The following DPH1 variants were observed in gnomAD, a reference collection of about 807,000 sequenced individuals.
DPH1 encodes 2-(3-amino-3-carboxypropyl)histidine synthase subunit 1.
Under a neutral mutation model 55.3 loss-of-function variants are expected in DPH1, and 59 were observed. That is an observed-to-expected ratio of 1.07 (90% CI 0.87 to 1.33). DPH1 has a LOEUF of 1.33. DPH1 is among the 40% of genes most tolerant of loss of function. The pLI is 0.00. For missense variants in DPH1, 628 were observed against 584.8 expected (o/e 1.07, Z -0.76); for synonymous variants, 238 against 235.5 (o/e 1.01, Z -0.10).
Position 2,039,803 on chromosome 17 carries a change from C to A in DPH1, c.729C>A (p.Asn243Lys). Residue 243 changes from asparagine to lysine, a missense_variant, in exon 7 of 13, where the codon AAC (asparagine) becomes AAA (lysine). Coordinates refer to ENST00000263083, the MANE Select transcript of DPH1 (RefSeq NM_001383.6). ...RFHLESVMIA[N>K]PNVPAYRYDP... ...ATCTGGAGTCTGTCATGATTGCCAA[C>A]CCCAATGTCCCCGCTTACCGGTATG... 1.2e-6 allele frequency: 2 copies of A among 1,614,176 alleles called. No homozygotes were observed. The highest frequency in any genetic ancestry group is 1.6e-4 in the Middle Eastern group (1 of 6,062).
chr17:2,042,758 A>T lies in DPH1; in HGVS notation c.*172A>T. The T allele has an allele frequency of 6.2e-7, 1 of 1,606,014 alleles. No homozygotes were observed. Among genetic ancestry groups the T allele is most frequent in the Non-Finnish European group, 8.5e-7 (1 of 1,176,512 alleles). ...GCACTGAACAGGCTGGGGCCTTTTG[A>T]CGGCCTTCTTGGTTTCAGCCAAGGG... On this transcript the variant is annotated 3_prime_UTR_variant, in exon 13 of 13. Transcript: ENST00000263083.
chr17:2,036,328 C>A lies in DPH1; in HGVS notation c.401-201C>A. ...GTTTGAAAGGCTGTTGGTTGTAGAG[C>A]AGGCTGGGCCCCGGCCGGGTGACAG... On this transcript the variant is annotated intron_variant, in intron 4 of 12. Coordinates refer to ENST00000263083, the MANE Select transcript of DPH1 (RefSeq NM_001383.6). This position sits in a 1 kb window ranked among gnomAD's most constrained non-coding sequence, Gnocchi z 4.8. The A allele has an allele frequency of 9.6e-7, 1 of 1,040,228 alleles. No homozygotes were observed. The highest frequency in any genetic ancestry group is 1.4e-6 in the Non-Finnish European group (1 of 736,658). The allele number at this position is 1,040,228 out of a possible 1,614,324, so 64.4% of individuals were successfully genotyped here.
intron 7 of DPH1, 100 bp from the exon 8 acceptor site, chr17:2,040,117 GC>G: frequency 6.7e-7 from 1 of 1,492,454 alleles, no homozygotes; most frequent in Non-Finnish European, 9.1e-7. Context: ...CCTGCGTGGG[GC>G]CTAAAGGTTC....
intron 6 of DPH1, among the ~76,000 whole-genome samples, chr17:2,038,095 T>C (rs1315144803): frequency 1.4e-5 from 2 of 145,724 alleles, no homozygotes; most frequent in Non-Finnish European, 3.0e-5. Flanking sequence ...GAATTGCATA[T>C]GTCCAGGAGT....
chr17:2,042,065 C>T (rs757918340), intron 12 of DPH1, 190 bp downstream of exon 12: 16 of 1,546,752 alleles, frequency 1.0e-5, no homozygotes, highest in East Asian at 2.4e-5. Flanking sequence ...CGCAGCGACC[C>T]CTGCGGGTCC....
In DPH1 at chr17:2,037,057, C is replaced by T; in HGVS notation, c.680+101C>T. 2 of 1,495,416 alleles carry T rather than the reference C, an allele frequency of 1.3e-6. 1 individual carries two copies. The highest frequency in any genetic ancestry group is 1.8e-6 in the Non-Finnish European group (2 of 1,118,212). The allele number at this position is 1,495,416 out of a possible 1,614,324, so 92.6% of individuals were successfully genotyped here. The stretch of plus-strand genomic sequence containing the variant: ...CAGGAAAGAAACCAAATCTAATGCT[C>T]CTTACCTGTGAGCCCGAGGTCACAC... On this transcript the variant is annotated intron_variant, in intron 6 of 12. Transcript: ENST00000263083.
rs1229855246 is a variant in DPH1, at chr17:2,036,454, C to G, written c.401-75C>G. The G allele has an allele frequency of 6.3e-7, 1 of 1,577,084 alleles. No homozygotes were observed. Among genetic ancestry groups the G allele is most frequent in the Non-Finnish European group, 8.7e-7 (1 of 1,155,942 alleles). On this transcript the variant is annotated intron_variant, in intron 4 of 12. Coordinates refer to ENST00000263083, the MANE Select transcript of DPH1 (RefSeq NM_001383.6). This position sits in a 1 kb window ranked among gnomAD's most constrained non-coding sequence, Gnocchi z 4.8. ...GCTGAAGCCACTGCGCCTGGCTGCTCAGAGACCTGAGCCTGGCCGGGCCCT... is the reference window on the plus strand; with the variant it reads ...GCTGAAGCCACTGCGCCTGGCTGCTGAGAGACCTGAGCCTGGCCGGGCCCT...
rs993626715 is a variant in DPH1, at chr17:2,041,808, G to T, written c.1268G>T (p.Cys423Phe). ...GSARPPSAVACEDCSCRDEKV... is the reference protein window; with the variant it reads ...GSARPPSAVAFEDCSCRDEKV... ...GCGCGTCCCCCTTCGGCCGTGGCTT[G>T]CGAGGACTGCAGCTGCAGGGACGAG... is the stretch of plus-strand genomic sequence containing the variant. The change falls in exon 12 of 13, where the codon TGC (cysteine) becomes TTC (phenylalanine). Residue 423 changes from cysteine to phenylalanine, a missense_variant. Coordinates refer to ENST00000263083, the MANE Select transcript of DPH1 (RefSeq NM_001383.6). The T allele has an allele frequency of 1.2e-6, 2 of 1,606,556 alleles. No homozygotes were observed. Among genetic ancestry groups the T allele is most frequent in the Middle Eastern group, 1.7e-4 (1 of 6,046 alleles).
chr17:2,031,351 A>G (rs933777775), intron 1 of DPH1, among the ~76,000 whole-genome samples: 10 of 151,928 alleles, frequency 6.6e-5, no homozygotes, highest in Admixed American at 2.0e-4. Flanking sequence ...ACCTGAGGTC[A>G]GGAGTTTGAG....
At chr17:2,042,019 G>A in intron 12 of DPH1, 144 bp downstream of exon 12, 1 of 1,495,280 alleles carries the variant, frequency 6.7e-7, no homozygotes, top group Non-Finnish European at 8.9e-7. Context: ...GACCGCTTCC[G>A]GTGCTTCCGT....
intron 6 of DPH1, among the ~76,000 whole-genome samples, chr17:2,038,099 C>T (rs1034716140): frequency 1.4e-5 from 2 of 142,914 alleles, no homozygotes; most frequent in African/African-American, 5.3e-5. Context: ...TGCATATGTC[C>T]AGGAGTTTGA....
At chr17:2,042,434 T>TA (rs2067556731) in intron 12 of DPH1, 171 bp from the exon 13 acceptor site, 4 of 1,258,064 alleles carry the variant, frequency 3.2e-6, no homozygotes, top group Non-Finnish European at 4.2e-6. Flanking sequence ...CTTCCTCCGC[T>TA]GTCTCCTGTT....
Position 2,036,521 on chromosome 17 carries a change from T to C in DPH1, c.401-8T>C. On this transcript the variant is annotated splice_polypyrimidine_tract_variant and splice_region_variant and intron_variant, in intron 4 of 12. Transcript: ENST00000263083. The surrounding 1 kb of genome is among the most constrained non-coding windows in gnomAD (Gnocchi z 4.8). ...CCCAAACAGCCCCTGAACTCCTCCC[T>C]CCCACAGTTCCCATGGACACCTCGG... 6.2e-7 allele frequency: 1 copy of C among 1,613,792 alleles called. No individual in the cohort carries two copies. Among genetic ancestry groups the C allele is most frequent in the Non-Finnish European group, 8.5e-7 (1 of 1,179,810 alleles).
Position 2,033,771 on chromosome 17 carries a change from T to A in DPH1, c.215-8T>A. ...CCTCCACCTCTCATGTCTCTGCTCG[T>A]CTTGCAGTGGCCTTGCAAATGCCGG... On this transcript the variant is annotated splice_polypyrimidine_tract_variant and splice_region_variant and intron_variant, in intron 2 of 12. Transcript: ENST00000263083. 1 of 1,614,248 alleles carries A rather than the reference T, an allele frequency of 6.2e-7. No homozygotes were observed.
In DPH1 at chr17:2,043,146, G is replaced by C. The variant is rs748024364; in HGVS notation, c.*560G>C. 1.9e-6 allele frequency: 3 copies of C among 1,589,316 alleles called. No homozygotes were observed. The highest frequency in any genetic ancestry group is 1.1e-5 in the South Asian group (1 of 88,414). Reference sequence around the variant, plus strand: ...TCTGCTCCTACATCCAGCTCCTCTAGGGGCAGCCTCCGTCATCCATGCCCT... The same window carrying C: ...TCTGCTCCTACATCCAGCTCCTCTACGGGCAGCCTCCGTCATCCATGCCCT... On this transcript the variant is annotated 3_prime_UTR_variant, in exon 13 of 13. Coordinates refer to ENST00000263083, the MANE Select transcript of DPH1 (RefSeq NM_001383.6).
chr17:2,042,438 T>G (rs2067556781), intron 12 of DPH1, 167 bp from the exon 13 acceptor site: 2 of 1,273,016 alleles, frequency 1.6e-6, no homozygotes, highest in African/African-American at 1.5e-5. Flanking sequence ...CTCCGCTGTC[T>G]CCTGTTCAGG....
chr17:2,042,483 A>C lies in DPH1; in HGVS notation c.*19-122A>C, dbSNP rs1000484055. The C allele has an allele frequency of 1.7e-5, 23 of 1,382,380 alleles. No individual in the cohort carries two copies. The East Asian group carries it at 3.5e-4, about 21-fold the overall frequency. 85.6% of individuals were successfully genotyped at this position (1,382,380 alleles called of 1,614,324 possible). On this transcript the variant is annotated intron_variant, in intron 12 of 12. Coordinates refer to ENST00000263083, the MANE Select transcript of DPH1 (RefSeq NM_001383.6). ...TCATTTCCCCCCTCTCATTTCCCCC[A>C]GACTTTTGCCTCGATTCCCTTTTTC...
chr17:2,036,687 G>T lies in DPH1; in HGVS notation c.558+1G>T. The T allele has an allele frequency of 6.2e-7, 1 of 1,614,022 alleles. No homozygotes were observed. The highest frequency in any genetic ancestry group is 1.7e-5 in the Admixed American group (1 of 60,012). ...CATTCAGTTTGTGTCGACCTTGCAGGTGGGTGGAACGAGGATCCTCGGCCT... is the reference window on the plus strand; with the variant it reads ...CATTCAGTTTGTGTCGACCTTGCAGTTGGGTGGAACGAGGATCCTCGGCCT... On this transcript the variant is annotated splice_donor_variant, in intron 5 of 12. Transcript: ENST00000263083. LOFTEE classifies it high-confidence loss of function. The surrounding 1 kb of genome is among the most constrained non-coding windows in gnomAD (Gnocchi z 4.8).
chr17:2,039,937 G>GTGGCCACCA, intron 7 of DPH1, 114 bp downstream of exon 7: 2 of 1,477,862 alleles, frequency 1.4e-6, no homozygotes, highest in Admixed American at 3.4e-5. Context: ...CCAGCCCTAA[G>GTGGCCACCA]GGTCTGAGGC....
Sources: allele counts gnomAD v4.1 joint callset (sites outside exome capture counted in the v4.1 genomes callset), GRCh38; gene constraint gnomAD v4.1.1; non-coding constraint Gnocchi (gnomAD v3.1); transcripts MANE v1.5; gene names NCBI Gene and HGNC (gene_info 2026-07-23, HGNC 2026-07-21).